OPCML: variants seen among roughly 807,000 people sequenced by gnomAD.
OPCML encodes opioid binding protein/cell adhesion molecule like.
In OPCML, 13 loss-of-function variants were observed where a neutral mutation model predicts 37.8. The ratio of observed to expected loss-of-function variants is 0.34; its 90% CI spans 0.22 to 0.55. The LOEUF is 0.55. Among genes scored for constraint, OPCML ranks in the 20% least tolerant of loss-of-function variants. The probability of loss-of-function intolerance (pLI) is 0.91; values close to 1 mark genes in which losing one functional copy is unlikely to be tolerated. For missense variants in OPCML, 341 were observed against 435.6 expected, an observed-to-expected ratio of 0.78 and a Z score of 1.93; for synonymous variants, 176 against 168.8, an observed-to-expected ratio of 1.04 and a Z score of -0.33.
intron 2 of OPCML, among the ~76,000 whole-genome samples, chr11:132,754,681 A>G (rs1471505839): frequency 6.6e-6 from 1 of 152,168 alleles, no homozygotes; most frequent in East Asian, 1.9e-4. Context: ...GGGGGACCAC[A>G]GAGTAAGTGA....
chr11:133,457,844 C>T (rs1946705214), intron 1 of OPCML, among the ~76,000 whole-genome samples: 1 of 152,050 alleles, frequency 6.6e-6, no homozygotes, highest in Admixed American at 6.6e-5. Flanking sequence ...ACTCAAAACT[C>T]TGTCAAAATA....
intron 2 of OPCML, among the ~76,000 whole-genome samples, chr11:132,916,923 CATGAGTCTTCCCCTTCCT>C (rs1322310837): frequency 3.3e-5 from 5 of 152,176 alleles, no homozygotes; most frequent in Non-Finnish European, 7.3e-5. Flanking sequence ...ACTAAGGCAG[CATGAGTCTTCCCCTTCCT>C]ATTTTATTGT....
At chr11:133,277,464 G>A (rs934883375) in intron 1 of OPCML, among the ~76,000 whole-genome samples, 1 of 152,014 alleles carries the variant, frequency 6.6e-6, no homozygotes, top group Non-Finnish European at 1.5e-5. Context: ...TTAGGCATTT[G>A]GGTTTCTTCC....
chr11:133,381,922 T>A (rs1335247347), intron 1 of OPCML, among the ~76,000 whole-genome samples: 1 of 152,208 alleles, frequency 6.6e-6, no homozygotes, highest in Non-Finnish European at 1.5e-5. Flanking sequence ...GCTGCTCCTG[T>A]CCCTCTGAGG....
chr11:132,901,243 C>A (rs917082373), intron 2 of OPCML, among the ~76,000 whole-genome samples: 2 of 152,032 alleles, frequency 1.3e-5, no homozygotes, highest in African/African-American at 4.8e-5. Context: ...GTGTTTGCTC[C>A]TTATCATAGG....
intron 1 of OPCML, among the ~76,000 whole-genome samples, chr11:133,190,291 C>A (rs1343945983): frequency 6.6e-6 from 1 of 152,122 alleles, no homozygotes; most frequent in Non-Finnish European, 1.5e-5. Flanking sequence ...ATAATTGTAG[C>A]CTTTTCCAGA....
chr11:133,368,534 G>T (rs1265229963), intron 1 of OPCML, among the ~76,000 whole-genome samples: 1 of 152,070 alleles, frequency 6.6e-6, no homozygotes, highest in Non-Finnish European at 1.5e-5. Context: ...AAAAGAACAG[G>T]TCCTTGGAGA....
chr11:132,573,005 T>A (rs748004804), intron 3 of OPCML, among the ~76,000 whole-genome samples: 2 of 151,996 alleles, frequency 1.3e-5, no homozygotes, highest in Non-Finnish European at 2.9e-5. Context: ...AATTTTTTGA[T>A]GTTATTGTAA....
At chr11:132,487,652 G>A (rs942465960) in intron 4 of OPCML, among the ~76,000 whole-genome samples, 5 of 152,094 alleles carry the variant, frequency 3.3e-5, no homozygotes, top group African/African-American at 2.4e-5. Flanking sequence ...CCCAGCTTGG[G>A]GTTTTCCTCC....
At chr11:133,482,300 G>A (rs954382572) in intron 1 of OPCML, among the ~76,000 whole-genome samples, 17 of 152,182 alleles carry the variant, frequency 1.1e-4, no homozygotes, top group East Asian at 1.9e-4. Flanking sequence ...GAAATCAGAC[G>A]TCCTGCATTT....
intron 1 of OPCML, chr11:133,361,298 G>T (rs185620682): frequency 1.3e-5 from 2 of 152,320 alleles, no homozygotes; most frequent in South Asian, 2.1e-4. Context: ...TTCCGGGAGC[G>T]CAATGCTCGC....
chr11:132,652,556 C>G (rs907132008), intron 3 of OPCML, among the ~76,000 whole-genome samples: 2 of 152,184 alleles, frequency 1.3e-5, no homozygotes, highest in Non-Finnish European at 2.9e-5. Flanking sequence ...CAGCCAGGCT[C>G]TTAACCTCCA....
chr11:132,898,888 C>T (rs1179230102), intron 2 of OPCML, among the ~76,000 whole-genome samples: 1 of 147,222 alleles, frequency 6.8e-6, no homozygotes, highest in Non-Finnish European at 1.5e-5. Context: ...TCTGAGTCAA[C>T]TGGCTATGTT....
intron 3 of OPCML, among the ~76,000 whole-genome samples, chr11:132,553,054 A>G (rs1185643209): frequency 6.6e-6 from 1 of 152,050 alleles, no homozygotes; most frequent in Non-Finnish European, 1.5e-5. Context: ...ATGAGCCACT[A>G]CGCGCAGCCG....
intron 2 of OPCML, among the ~76,000 whole-genome samples, chr11:132,662,354 T>C (rs1038871908): frequency 1.4e-4 from 21 of 151,986 alleles, no homozygotes; most frequent in African/African-American, 4.8e-4. Context: ...TTAAAATCAA[T>C]TGGCTTTAAC....
At chr11:132,746,884 G>C (rs540657100) in intron 2 of OPCML, among the ~76,000 whole-genome samples, 85 of 152,230 alleles carry the variant, frequency 5.6e-4, no homozygotes, top group African/African-American at 2.0e-3. Flanking sequence ...CAAGGCTTGC[G>C]AGGCTTCCCA....
intron 1 of OPCML, among the ~76,000 whole-genome samples, chr11:133,170,240 G>A (rs1950269941): frequency 1.3e-5 from 2 of 152,236 alleles, no homozygotes; most frequent in South Asian, 4.1e-4. Context: ...ACTTTGTGAG[G>A]CCGAGGCGGG....
chr11:133,187,876 T>C (rs1423472821), intron 1 of OPCML, among the ~76,000 whole-genome samples: 1 of 152,208 alleles, frequency 6.6e-6, no homozygotes, highest in Non-Finnish European at 1.5e-5. Flanking sequence ...ACTTATAAAC[T>C]GAAGATCAGA....
At chr11:132,503,263 G>T (rs1037123218) in intron 4 of OPCML, among the ~76,000 whole-genome samples, 1 of 152,112 alleles carries the variant, frequency 6.6e-6, no homozygotes, top group Non-Finnish European at 1.5e-5. Context: ...CAGGAAAATT[G>T]CTACCCTATC....
Sources: allele counts gnomAD v4.1 joint callset (sites outside exome capture counted in the v4.1 genomes callset), GRCh38; gene constraint gnomAD v4.1.1; transcripts MANE v1.5; gene names NCBI Gene and HGNC (gene_info 2026-07-23, HGNC 2026-07-21).